Variants in RHBDL2 observed in about 807,000 individuals in gnomAD.
The protein encoded by RHBDL2 is rhomboid-related protein 2.
A neutral mutation model predicts 31.7 loss-of-function variants in RHBDL2; 26 were observed. That is an observed-to-expected ratio of 0.82 (90% CI 0.60 to 1.14). The LOEUF (loss-of-function observed/expected upper bound fraction) is 1.14. Among genes scored for constraint, RHBDL2 ranks in the 50% most tolerant of loss-of-function variants. The pLI, the probability that RHBDL2 is intolerant of heterozygous loss-of-function variation, is 0.00. For synonymous variants in RHBDL2, 123 were observed against 127.2 expected, an observed-to-expected ratio of 0.97 and a Z score of 0.22; for missense variants, 336 against 364.4, an observed-to-expected ratio of 0.92 and a Z score of 0.63.
chr1:38,920,752 G>C (rs1468882298), intron 1 of RHBDL2, among the ~76,000 whole-genome samples: 2 of 150,076 alleles, frequency 1.3e-5, no homozygotes, highest in Admixed American at 6.6e-5. Flanking sequence ...GACTACAGGT[G>C]CCCACCACCA....
chr1:38,907,395 C>T (rs1643081355), intron 4 of RHBDL2, among the ~76,000 whole-genome samples: 1 of 152,032 alleles, frequency 6.6e-6, no homozygotes, highest in African/African-American at 2.4e-5. Context: ...CAAAAATTAG[C>T]CAGGCATGGT....
chr1:38,890,340 G>A (rs1642839077), intron 6 of RHBDL2, among the ~76,000 whole-genome samples: 1 of 152,118 alleles, frequency 6.6e-6, no homozygotes, highest in Admixed American at 6.5e-5. Context: ...ATCATCATTT[G>A]CATTTCCTGG....
chr1:38,907,259 G>C (rs566228044), intron 4 of RHBDL2, among the ~76,000 whole-genome samples: 3 of 152,210 alleles, frequency 2.0e-5, no homozygotes, highest in Non-Finnish European at 4.4e-5. Context: ...AAAAGTAAAG[G>C]CCAGGTGCAG....
intron 6 of RHBDL2, 113 bp from the exon 7 acceptor site, chr1:38,888,137 T>A (rs1642809902): frequency 1.5e-6 from 1 of 659,264 alleles, no homozygotes; most frequent in South Asian, 2.0e-5. Context: ...GATACTTAAC[T>A]CTGTGACAGG....
At chr1:38,887,636 G>C (rs944079811) in intron 7 of RHBDL2, among the ~76,000 whole-genome samples, 1 of 151,634 alleles carries the variant, frequency 6.6e-6, no homozygotes, top group African/African-American at 2.4e-5. Flanking sequence ...TATTGGCCAG[G>C]CTGGTCTCAA....
chr1:38,896,736 C>T (rs1016948069), intron 4 of RHBDL2, among the ~76,000 whole-genome samples: 2 of 152,158 alleles, frequency 1.3e-5, no homozygotes, highest in Non-Finnish European at 2.9e-5. Flanking sequence ...TAATTGCTAA[C>T]CTAATCCTAG....
chr1:38,935,852 G>T (rs1005832322), intron 1 of RHBDL2, among the ~76,000 whole-genome samples: 1 of 152,002 alleles, frequency 6.6e-6, no homozygotes, highest in Non-Finnish European at 1.5e-5. Context: ...GAGCTCAAGC[G>T]ATCTGCCCAC....
intron 1 of RHBDL2, among the ~76,000 whole-genome samples, chr1:38,921,757 T>C (rs1201426977): frequency 1.3e-5 from 2 of 152,222 alleles, no homozygotes; most frequent in African/African-American, 4.8e-5. Flanking sequence ...TATAACTCTT[T>C]TATTAATTTC....
intron 1 of RHBDL2, among the ~76,000 whole-genome samples, chr1:38,928,758 A>AT (rs202046415): frequency 0.02 from 3,101 of 152,136 alleles, 109 homozygotes; most frequent in African/African-American, 0.071. Flanking sequence ...GTAAAAAAAA[A>AT]ATTTTAAATA....
intron 3 of RHBDL2, among the ~76,000 whole-genome samples, 168 bp from the exon 4 acceptor site, chr1:38,911,602 C>CTGTG (rs56978792): frequency 6.7e-4 from 96 of 142,288 alleles, no homozygotes; most frequent in East Asian, 3.0e-3. Flanking sequence ...TTTCTTTTTT[C>CTGTG]TGTGTGTGTG....
chr1:38,912,902 ATATATATATGTGTGTGTGTGTG>A (rs1643171735), intron 3 of RHBDL2, among the ~76,000 whole-genome samples: 1 of 36,416 alleles, frequency 2.7e-5, no homozygotes, highest in Non-Finnish European at 8.3e-5. Flanking sequence ...ATATATATAT[ATATATATATGTGTGTGTGTGTG>A]TGTGTGTGTG....
chr1:38,911,081 A>T (rs920471848), intron 4 of RHBDL2, among the ~76,000 whole-genome samples: 1 of 151,990 alleles, frequency 6.6e-6, no homozygotes, highest in Non-Finnish European at 1.5e-5. Context: ...CATACTTGCA[A>T]TTTCAATTAT....
At chr1:38,901,211 C>T (rs2124312343) in intron 4 of RHBDL2, among the ~76,000 whole-genome samples, 1 of 151,596 alleles carries the variant, frequency 6.6e-6, no homozygotes, top group East Asian at 1.9e-4. Context: ...ACCTGTAATC[C>T]CAGCACTTTG....
At chr1:38,895,584 G>A (rs140418177) in intron 5 of RHBDL2, among the ~76,000 whole-genome samples, 1,879 of 152,232 alleles carry the variant, frequency 0.012, 54 homozygotes, top group African/African-American at 0.043. Context: ...TGGGCAGATC[G>A]CTTGAGCCTA....
intron 4 of RHBDL2, 25 bp from the exon 5 acceptor site, chr1:38,896,094 C>T (rs1439114784): frequency 6.7e-7 from 1 of 1,493,452 alleles, no homozygotes. Context: ...CACAAAGGAT[C>T]AGACATGACT....
chr1:38,915,491 A>G, intron 3 of RHBDL2, 71 bp downstream of exon 3: 1 of 1,499,198 alleles, frequency 6.7e-7, no homozygotes, highest in Middle Eastern at 1.8e-4. Context: ...ATAATAAAGC[A>G]CTCAACAAAT....
At chr1:38,919,950 T>C (rs1158647526) in intron 1 of RHBDL2, among the ~76,000 whole-genome samples, 1 of 152,130 alleles carries the variant, frequency 6.6e-6, no homozygotes, top group Non-Finnish European at 1.5e-5. Flanking sequence ...TCACCACTAG[T>C]TCCAAAACTT....
intron 4 of RHBDL2, among the ~76,000 whole-genome samples, chr1:38,904,260 G>C (rs1231863599): frequency 1.3e-5 from 2 of 152,044 alleles, no homozygotes; most frequent in African/African-American, 2.4e-5. Flanking sequence ...CACAAGGTCA[G>C]GAGTTTGAGA....
At chr1:38,914,601 C>T (rs1643203457) in intron 3 of RHBDL2, among the ~76,000 whole-genome samples, 1 of 151,990 alleles carries the variant, frequency 6.6e-6, no homozygotes, top group Non-Finnish European at 1.5e-5. Flanking sequence ...TTCAGCACCA[C>T]CATTTTCATA....
Sources: gnomAD v4.1 joint callset for allele counts (sites outside exome capture counted in the v4.1 genomes callset) on GRCh38, gnomAD v4.1.1 for gene constraint, MANE v1.5 for transcripts, NCBI Gene and HGNC (gene_info 2026-07-23, HGNC 2026-07-21) for gene names.